The following STT3A variants were observed in gnomAD, a reference collection of about 807,000 sequenced individuals.
The protein encoded by STT3A is STT3 oligosaccharyltransferase complex catalytic subunit A, also known as dolichyl-diphosphooligosaccharide--protein glycosyltransferase subunit STT3A.
Under a neutral mutation model 89.2 loss-of-function variants are expected in STT3A, and 34 were observed. The observed-to-expected ratio is 0.38, with a 90% CI of 0.29 to 0.51. The LOEUF is 0.51. STT3A is among the 20% of genes least tolerant of loss of function. The probability of loss-of-function intolerance (pLI) is 0.89; values close to 1 mark genes in which losing one functional copy is unlikely to be tolerated. For missense variants in STT3A, 555 were observed against 889.5 expected, an observed-to-expected ratio of 0.62 and a Z score of 4.78; for synonymous variants, 282 against 310.3, an observed-to-expected ratio of 0.91 and a Z score of 0.96.
At chr11:125,605,757 C>A in intron 7 of STT3A, 22 bp downstream of exon 7, 1 of 1,592,122 alleles carries the variant, frequency 6.3e-7, no homozygotes. Context: ...TACATGTTTT[C>A]AATTTTTAAA....
chr11:125,602,789 T>C lies in STT3A; in HGVS notation c.272-14T>C. On this transcript the variant is annotated splice_polypyrimidine_tract_variant and intron_variant, in intron 4 of 17. Coordinates refer to ENST00000392708, the MANE Select transcript of STT3A (RefSeq NM_152713.5). Reference sequence around the variant, plus strand: ...GGTAAGACAACCTAATGGAGTTTCTTCTTCCTGTTACAGGTTTAATGATCA... The same window carrying C: ...GGTAAGACAACCTAATGGAGTTTCTCCTTCCTGTTACAGGTTTAATGATCA... 1.9e-6 allele frequency: 3 copies of C among 1,614,156 alleles called. No individual in the cohort carries two copies. The highest frequency in any genetic ancestry group is 2.5e-6 in the Non-Finnish European group (3 of 1,180,010).
chr11:125,599,566 A>G (rs1939610546), intron 3 of STT3A, among the ~76,000 whole-genome samples: 1 of 151,992 alleles, frequency 6.6e-6, no homozygotes, highest in East Asian at 1.9e-4. Flanking sequence ...ACGCGCCACC[A>G]TGCCTGGCTA....
At chr11:125,620,562 G>A (rs189040185) in intron 17 of STT3A, among the ~76,000 whole-genome samples, 204 of 152,320 alleles carry the variant, frequency 1.3e-3, no homozygotes, top group Non-Finnish European at 2.1e-3. Context: ...TATGTGGAGG[G>A]TAGATCAGTA....
Position 125,609,681 on chromosome 11 carries a change from T to C in STT3A, c.1117+92T>C, listed in dbSNP as rs186531355. 5.7e-3 allele frequency: 8,625 copies of C among 1,506,302 alleles called. 48 individuals are homozygous for C. The highest frequency in any genetic ancestry group is 0.017 in the Admixed American group (797 of 48,112). The allele number at this position is 1,506,302 out of a possible 1,614,324, so 93.3% of individuals were successfully genotyped here. On this transcript the variant is annotated intron_variant, in intron 10 of 17. Coordinates refer to ENST00000392708, the MANE Select transcript of STT3A (RefSeq NM_152713.5). ...GCTACCCTCATTCGTGTTTTGTTTT[T>C]CTTTGCCTGTTTATGTTGTGTAATA... is the stretch of plus-strand genomic sequence containing the variant.
intron 15 of STT3A, among the ~76,000 whole-genome samples, chr11:125,617,632 T>A (rs956339664): frequency 6.6e-6 from 1 of 152,212 alleles, no homozygotes; most frequent in Admixed American, 6.5e-5. Flanking sequence ...TTATTAAGCA[T>A]GGGAGTGTGT....
At chr11:125,593,303 T>G (rs1939374843) in intron 1 of STT3A, 1 of 149,896 alleles carries the variant, frequency 6.7e-6, no homozygotes, top group Non-Finnish European at 1.5e-5. Flanking sequence ...GAGAAGAGAG[T>G]AAAAGATCGT....
chr11:125,613,027 C>T lies in STT3A; in HGVS notation c.1404C>T (p.Leu468=), dbSNP rs1481893021. 12 of 1,614,030 alleles carry T rather than the reference C, an allele frequency of 7.4e-6. No individual in the cohort carries two copies. The highest frequency in any genetic ancestry group is 5.3e-5 in the African/African-American group (4 of 74,912). Residue 468 remains leucine, a synonymous_variant, in exon 13 of 18, where the codon CTC becomes CTT. Coordinates refer to ENST00000392708, the MANE Select transcript of STT3A (RefSeq NM_152713.5). The surrounding 1 kb of genome is among the most constrained non-coding windows in gnomAD (Gnocchi z 4.2). ...TGATACTGGTCATGGCTTTCTTTCT[C>T]ATCACCTACACCTTTCATTCAACCT... ...SGMILVMAFF[L]ITYTFHSTWV...
Position 125,620,957 on chromosome 11 carries a change from G to A in STT3A, c.*147G>A, listed in dbSNP as rs538054682. 4.5e-4 allele frequency: 262 copies of A among 587,404 alleles called. 1 individual carries two copies. In the South Asian group the frequency reaches 5.5e-3, roughly 12 times the overall value. The allele number at this position is 587,404 out of a possible 1,614,324, so 36.4% of individuals were successfully genotyped here. A position where few individuals can be genotyped will look rare whatever the true frequency, so the allele number is the denominator to read the frequency against. On this transcript the variant is annotated 3_prime_UTR_variant, in exon 18 of 18. Transcript: ENST00000392708. The stretch of plus-strand genomic sequence containing the variant: ...TTGTCTGGAAGTTTTGTCTTGGGCA[G>A]TATGGGCTGGGCCAAATGAAATGAT...
rs147179544 is a variant in STT3A at position 125,606,098 on chromosome 11, TG to T, written c.616-202del. 1,289 of 522,852 alleles carry T rather than the reference TG, an allele frequency of 2.5e-3. 21 individuals are homozygous for T. Among genetic ancestry groups the T allele is most frequent in the African/African-American group, 0.022 (1,156 of 51,582 alleles). The allele number at this position is 522,852 out of a possible 1,614,324, so 32.4% of individuals were successfully genotyped here. On this transcript the variant is annotated intron_variant, in intron 7 of 17. Transcript: ENST00000392708. ...TTCTTTTTTAAAATTTATTTTATTTTGTGTGACCTGTACATGTAAGGACTTG... is the reference window on the plus strand; with the variant it reads ...TTCTTTTTTAAAATTTATTTTATTTTTGTGACCTGTACATGTAAGGACTTG...
In STT3A at chr11:125,605,736, G is replaced by T; in HGVS notation, c.615+1G>T. ...GTGTGCCCTTGCTTATTTCTACATG[G>T]TAACTTTTTCTACATGTTTTCAATT... On this transcript the variant is annotated splice_donor_variant, in intron 7 of 17. Transcript: ENST00000392708. LOFTEE classifies it high-confidence loss of function. 1 of 1,610,564 alleles carries T rather than the reference G, an allele frequency of 6.2e-7. No homozygotes were observed. Among genetic ancestry groups the T allele is most frequent in the Non-Finnish European group, 8.5e-7 (1 of 1,177,774 alleles).
chr11:125,608,711 A>G (rs1480342046), intron 9 of STT3A, among the ~76,000 whole-genome samples: 1 of 152,160 alleles, frequency 6.6e-6, no homozygotes, highest in Non-Finnish European at 1.5e-5. Context: ...AACACAAAAG[A>G]TTATTTTTTT....
intron 15 of STT3A, among the ~76,000 whole-genome samples, chr11:125,615,498 T>C (rs1451682642): frequency 1.3e-5 from 2 of 151,906 alleles, no homozygotes; most frequent in Non-Finnish European, 2.9e-5. Context: ...TGAAAAAAAA[T>C]CATAATACAA....
chr11:125,602,811 A>G lies in STT3A; in HGVS notation c.280A>G (p.Ile94Val). 6.2e-7 allele frequency: 1 copy of G among 1,614,072 alleles called. No individual in the cohort carries two copies. Among genetic ancestry groups the G allele is most frequent in the South Asian group, 1.1e-5 (1 of 91,082 alleles). Reference protein sequence around the residue: ...IGGTIYPGLMITSAAIYHVLH... With the variant: ...IGGTIYPGLMVTSAAIYHVLH... ...TCTTCTTCCTGTTACAGGTTTAATG[A>G]TCACCTCTGCTGCAATCTACCATGT... Residue 94 changes from isoleucine to valine, a missense_variant, in exon 5 of 18, where the codon ATC (isoleucine) becomes GTC (valine). Coordinates refer to ENST00000392708, the MANE Select transcript of STT3A (RefSeq NM_152713.5).
intron 3 of STT3A, among the ~76,000 whole-genome samples, chr11:125,597,599 G>A (rs1056131281): frequency 3.3e-5 from 5 of 152,196 alleles, no homozygotes; most frequent in Non-Finnish European, 7.3e-5. Flanking sequence ...GGGTCCTGGT[G>A]TGTATTCCAG....
At position 125,620,004 on chromosome 11, in the gene STT3A, T is replaced by A; in HGVS notation, c.1964-7T>A. On this transcript the variant is annotated splice_polypyrimidine_tract_variant and splice_region_variant and intron_variant, in intron 16 of 17. Coordinates refer to ENST00000392708, the MANE Select transcript of STT3A (RefSeq NM_152713.5). ...AAAGAAGTGTGTTCTTTTTCATCCC[T>A]CTCTAGAGCGTCCTCCAGGCTTTGA... The A allele has an allele frequency of 6.2e-7, 1 of 1,613,076 alleles. No individual in the cohort carries two copies.
chr11:125,598,778 A>T (rs1369539374), intron 3 of STT3A, among the ~76,000 whole-genome samples: 1 of 151,860 alleles, frequency 6.6e-6, no homozygotes, highest in Non-Finnish European at 1.5e-5. Context: ...CTAATTTTTT[A>T]AAAATTTTTT....
At position 125,620,948 on chromosome 11, in the gene STT3A, T is replaced by C. The variant is rs1480946019; in HGVS notation, c.*138T>C. 1.5e-6 allele frequency: 1 copy of C among 686,480 alleles called. No individual in the cohort carries two copies. Among genetic ancestry groups the C allele is most frequent in the Non-Finnish European group, 2.4e-6 (1 of 424,150 alleles). 42.5% of individuals were successfully genotyped at this position (686,480 alleles called of 1,614,324 possible). A position where few individuals can be genotyped will look rare whatever the true frequency, so the allele number is the denominator to read the frequency against. On this transcript the variant is annotated 3_prime_UTR_variant, in exon 18 of 18. Coordinates refer to ENST00000392708, the MANE Select transcript of STT3A (RefSeq NM_152713.5). Reference sequence around the variant, plus strand: ...GCATCAGAATTGTCTGGAAGTTTTGTCTTGGGCAGTATGGGCTGGGCCAAA... The same window carrying C: ...GCATCAGAATTGTCTGGAAGTTTTGCCTTGGGCAGTATGGGCTGGGCCAAA...
At position 125,606,391 on chromosome 11, in the gene STT3A, A is replaced by G. The variant is rs1402096939; in HGVS notation, c.706A>G (p.Ile236Val). 1.1e-5 allele frequency: 17 copies of G among 1,613,996 alleles called. No homozygotes were observed. The highest frequency in any genetic ancestry group is 1.4e-5 in the Non-Finnish European group (16 of 1,180,018). The change falls in exon 8 of 18, where the codon ATC becomes GTC. Residue 236 changes from isoleucine (I) to valine (V), a missense_variant. Around this residue, in one of 5 missense-constraint regions of STT3A, gnomAD observed 149 missense variants for 206.2 expected, o/e 0.72. Coordinates refer to ENST00000392708, the MANE Select transcript of STT3A (RefSeq NM_152713.5). ...LMLTGRFSHR[I>V]YVAYCTVYCL... ...GCTCACAGGCCGTTTCTCTCACCGG[A>G]TCTATGTGGCCTACTGTACTGTTTA...
At chr11:125,597,984 C>A (rs948088093) in intron 3 of STT3A, among the ~76,000 whole-genome samples, 2 of 152,112 alleles carry the variant, frequency 1.3e-5, no homozygotes, top group East Asian at 3.9e-4. Context: ...GAGGCCAAGG[C>A]GGGCAGATCA....
Sources: allele counts gnomAD v4.1 joint callset (sites outside exome capture counted in the v4.1 genomes callset), GRCh38; gene constraint gnomAD v4.1.1; regional missense constraint gnomAD v4.1.1; non-coding constraint Gnocchi (gnomAD v3.1); transcripts MANE v1.5; gene names NCBI Gene and HGNC (gene_info 2026-07-23, HGNC 2026-07-21).